Variants in RAB27A observed in about 807,000 individuals in gnomAD.
RAB27A encodes ras-related protein Rab-27A.
RAB27A carries 17 observed loss-of-function variants against 20.8 expected under a neutral mutation model. The observed-to-expected ratio is 0.82, with a 90% confidence interval of 0.56 to 1.23. The LOEUF (loss-of-function observed/expected upper bound fraction) is 1.23, where lower values mean the gene tolerates loss of function less well. RAB27A is among the 50% of genes most tolerant of loss of function. RAB27A has a pLI of 0.00. For synonymous variants in RAB27A, 85 were observed against 92.8 expected, an observed-to-expected ratio of 0.92 and a Z score of 0.48; for missense variants, 277 against 266.7, an observed-to-expected ratio of 1.04 and a Z score of -0.27.
At chr15:55,276,544 C>G (rs76950769) in intron 1 of RAB27A, among the ~76,000 whole-genome samples, 1 of 151,916 alleles carries the variant, frequency 6.6e-6, no homozygotes, top group African/African-American at 2.4e-5. Context: ...CACTCCAGCC[C>G]GGGCAGCGGA....
intron 2 of RAB27A, among the ~76,000 whole-genome samples, chr15:55,311,499 C>T (rs951602302): frequency 1.3e-5 from 2 of 151,848 alleles, no homozygotes; most frequent in East Asian, 3.9e-4. Flanking sequence ...GGGAAGGAGT[C>T]GAGGGGACGC....
intron 1 of RAB27A, among the ~76,000 whole-genome samples, chr15:55,314,461 A>G (rs2055035035): frequency 6.6e-6 from 1 of 152,222 alleles, no homozygotes; most frequent in Admixed American, 6.5e-5. Context: ...GTATTCAAAT[A>G]GGAAGAGAGG....
At chr15:55,296,667 C>G (rs1465513933) in intron 2 of RAB27A, among the ~76,000 whole-genome samples, 1 of 151,364 alleles carries the variant, frequency 6.6e-6, no homozygotes, top group Non-Finnish European at 1.5e-5. Context: ...TTTAATTAGA[C>G]TATAATTTTG....
chr15:55,309,636 G>A (rs1331398725), intron 2 of RAB27A, among the ~76,000 whole-genome samples: 1 of 152,162 alleles, frequency 6.6e-6, no homozygotes, highest in East Asian at 1.9e-4. Context: ...GAGTCAGGAT[G>A]TACAGGGATA....
At position 55,203,743 on chromosome 15, in the gene RAB27A, A is replaced by AT. The variant is rs1201567427; in HGVS notation, c.*1763_*1764insA. 1 of 151,802 alleles carries AT rather than the reference A, an allele frequency of 6.6e-6. No homozygotes were observed. The highest frequency in any genetic ancestry group is 1.9e-4 in the East Asian group (1 of 5,172). The allele number at this position is 151,802 out of a possible 1,614,324, so 9.4% of individuals were successfully genotyped here. The stretch of plus-strand genomic sequence containing the variant: ...GGCCAACCCTGCTCTTGAAATGTCT[A>AT]AATCTTTTCCTCACTAGCATATACA... On this transcript the variant is annotated 3_prime_UTR_variant, in exon 7 of 7. Transcript: ENST00000336787.
chr15:55,310,788 T>G (rs1160264851), intron 2 of RAB27A, among the ~76,000 whole-genome samples: 1 of 152,194 alleles, frequency 6.6e-6, no homozygotes, highest in Non-Finnish European at 1.5e-5. Context: ...CTTTCTAATG[T>G]CTGCAGCTGA....
chr15:55,265,269 T>A (rs1897427156), intron 2 of RAB27A, among the ~76,000 whole-genome samples: 1 of 148,642 alleles, frequency 6.7e-6, no homozygotes, highest in South Asian at 2.1e-4. Context: ...GAAGAAGAAC[T>A]GTAACAGAAG....
rs7176232 is a variant in RAB27A, at chr15:55,241,602, A to T, written c.-22-6646T>A. ...CCCAGGCAACTAGCAAGACCTATTT[A>T]TATATATATATATATATATATATGT... On this transcript the variant is annotated intron_variant, in intron 2 of 6. Transcript: ENST00000336787. 3.8e-3 allele frequency among the ~76,000 whole-genome samples: 174 copies of T among 46,020 alleles called. 6 individuals carry two copies. The highest frequency in any genetic ancestry group is 0.016 in the African/African-American group (162 of 10,450). 30.2% of individuals were successfully genotyped at this position (46,020 alleles called of 152,430 possible). A position where few individuals can be genotyped will look rare whatever the true frequency, so the allele number is the denominator to read the frequency against.
At chr15:55,277,339 C>T (rs1411729573) in intron 1 of RAB27A, among the ~76,000 whole-genome samples, 1 of 152,104 alleles carries the variant, frequency 6.6e-6, no homozygotes, top group African/African-American at 2.4e-5. Flanking sequence ...AAACAACGTC[C>T]ACGTATAACT....
chr15:55,242,546 T>TA lies in RAB27A; in HGVS notation c.-22-7591dup, dbSNP rs1896533946. Among the ~76,000 whole-genome samples the TA allele has an allele frequency of 3.3e-5, 5 of 152,172 alleles. No homozygotes were observed. The South Asian group carries it at 1.0e-3, about 32-fold the overall frequency. ...TAAGTGTTCAATAATTGAGACTTAT[T>TA]AAAAATACTATTATTAATAGTTTCA... On this transcript the variant is annotated intron_variant, in intron 2 of 6. Coordinates refer to ENST00000336787, the MANE Select transcript of RAB27A (RefSeq NM_183235.3).
chr15:55,316,234 CAAA>C (rs1186678422), intron 1 of RAB27A, among the ~76,000 whole-genome samples: 6 of 53,896 alleles, frequency 1.1e-4, no homozygotes, highest in Middle Eastern at 7.7e-3. Flanking sequence ...GACTCCGTCT[CAAA>C]AAAAAAAAAA....
intron 2 of RAB27A, among the ~76,000 whole-genome samples, chr15:55,299,294 CCT>C (rs2054961842): frequency 6.6e-6 from 1 of 152,112 alleles, no homozygotes; most frequent in Admixed American, 6.5e-5. Flanking sequence ...ATTTGGGGCC[CCT>C]GACTTCCCGC....
intron 4 of RAB27A, 37 bp from the exon 5 acceptor site, chr15:55,228,749 G>C (rs769432931): frequency 3.5e-6 from 5 of 1,409,738 alleles, no homozygotes; most frequent in Non-Finnish European, 4.0e-6. Context: ...GTTAAACCAC[G>C]GCCCCACTCC....
intron 3 of RAB27A, among the ~76,000 whole-genome samples, chr15:55,233,797 CT>C (rs970569268): frequency 6.6e-6 from 1 of 152,086 alleles, no homozygotes; most frequent in Non-Finnish European, 1.5e-5. Flanking sequence ...GATGGATTTC[CT>C]TTTTTTGTGA....
intron 6 of RAB27A, among the ~76,000 whole-genome samples, chr15:55,207,843 C>T (rs1894726705): frequency 6.6e-6 from 1 of 152,124 alleles, no homozygotes; most frequent in Non-Finnish European, 1.5e-5. Context: ...CCACCACTCC[C>T]AGCTAATTTT....
chr15:55,227,288 G>C (rs920940480), intron 5 of RAB27A, among the ~76,000 whole-genome samples: 1 of 151,752 alleles, frequency 6.6e-6, no homozygotes, highest in Admixed American at 6.6e-5. Flanking sequence ...TTGATGCTAA[G>C]ATTCTATGCG....
At chr15:55,255,170 CT>C (rs1897033355) in intron 2 of RAB27A, among the ~76,000 whole-genome samples, 1 of 152,182 alleles carries the variant, frequency 6.6e-6, no homozygotes. Context: ...TCCTCACCTA[CT>C]TATGTCTCTT....
chr15:55,254,205 GAAA>G (rs1218766988), intron 2 of RAB27A, among the ~76,000 whole-genome samples: 2 of 152,068 alleles, frequency 1.3e-5, no homozygotes. Context: ...TTGACCTCGA[GAAA>G]TACCTTCCTA....
upstream of RAB27A, among the ~76,000 whole-genome samples, chr15:55,294,543 G>A (rs558543085): frequency 1.5e-4 from 20 of 137,456 alleles, no homozygotes; most frequent in South Asian, 4.7e-4. Context: ...AGCCAAGATC[G>A]TGCCACTACA....
Sources: gnomAD v4.1 joint callset for allele counts (sites outside exome capture counted in the v4.1 genomes callset) on GRCh38, gnomAD v4.1.1 for gene constraint, MANE v1.5 for transcripts, NCBI Gene and HGNC (gene_info 2026-07-23, HGNC 2026-07-21) for gene names.